NECTIN3: variants seen among roughly 807,000 people sequenced by gnomAD.
NECTIN3 encodes the protein nectin cell adhesion molecule 3.
In NECTIN3, 8 loss-of-function variants were observed where a neutral mutation model predicts 49.4. The observed-to-expected ratio is 0.16, with a 90% CI of 0.10 to 0.29. The LOEUF is 0.29. Among genes scored for constraint, NECTIN3 ranks in the 10% least tolerant of loss-of-function variants. NECTIN3 has a pLI of 1.00. For missense variants in NECTIN3, 581 were observed against 654.6 expected (o/e 0.89, Z 1.23); for synonymous variants, 277 against 241.1 (o/e 1.15, Z -1.38).
intron 7 of NECTIN3, among the ~76,000 whole-genome samples, chr3:111,151,399 A>G (rs2034997965): frequency 7.0e-6 from 1 of 143,824 alleles, no homozygotes; most frequent in South Asian, 2.1e-4. Flanking sequence ...AGTGTCTATA[A>G]TATCACTGTA....
In NECTIN3 at chr3:111,071,938, G is replaced by T. The variant is rs1276055025; in HGVS notation, c.-80G>T. ...GGACGCGCGCGCCGGACCTTCCACA[G>T]CCTCCGCCCAGAGCCTGAGGCGCCG... is the stretch of plus-strand genomic sequence containing the variant. On this transcript the variant is annotated 5_prime_UTR_variant, in exon 1 of 6. Transcript: ENST00000485303. 1.9e-6 allele frequency: 2 copies of T among 1,068,732 alleles called. No individual in the cohort carries two copies. Among genetic ancestry groups the T allele is most frequent in the East Asian group, 3.3e-5 (1 of 30,278 alleles). 66.2% of individuals were successfully genotyped at this position (1,068,732 alleles called of 1,614,324 possible).
At chr3:111,188,751 AG>A (rs769820885), upstream of NECTIN3, among the ~76,000 whole-genome samples, 2 of 152,248 alleles carry the variant, frequency 1.3e-5, no homozygotes, top group African/African-American at 2.4e-5. Flanking sequence ...GAGACTTGAA[AG>A]TTGTTACCAC....
At chr3:111,101,092 C>T (rs1363360928) in intron 1 of NECTIN3, among the ~76,000 whole-genome samples, 1 of 152,106 alleles carries the variant, frequency 6.6e-6, no homozygotes, top group African/African-American at 2.4e-5. Context: ...ATCACTACCT[C>T]TATAAAATGA....
In NECTIN3 at chr3:111,192,499, C is replaced by A. The variant is rs563693265; in HGVS notation, c.63+86C>A. Reference sequence around the variant, plus strand: ...AATATCATTTAATTGTATACAAGTTCATTTTATTCATCTTTCCCCTATTTG... The same window carrying A: ...AATATCATTTAATTGTATACAAGTTAATTTTATTCATCTTTCCCCTATTTG... On this transcript the variant is annotated intron_variant, in intron 1 of 1. Coordinates refer to the NECTIN3 transcript ENST00000485506. 5.3e-4 allele frequency: 664 copies of A among 1,254,020 alleles called. 1 individual carries two copies. Among genetic ancestry groups the A allele is most frequent in the Non-Finnish European group, 6.6e-4 (600 of 903,256 alleles). The allele number at this position is 1,254,020 out of a possible 1,614,324, so 77.7% of individuals were successfully genotyped here. A position where few individuals can be genotyped will look rare whatever the true frequency, so the allele number is the denominator to read the frequency against.
In NECTIN3 at chr3:111,136,567, G is replaced by C. The variant is rs2034583121; in HGVS notation, c.*2352G>C. Reference sequence around the variant, plus strand: ...GTATATTTACTGTACATAGAGACTTGTTTGAAAACATGAATAGTCATTAAA... The same window carrying C: ...GTATATTTACTGTACATAGAGACTTCTTTGAAAACATGAATAGTCATTAAA... On this transcript the variant is annotated 3_prime_UTR_variant, in exon 6 of 6. Coordinates refer to ENST00000485303, the MANE Select transcript of NECTIN3 (RefSeq NM_015480.3). 1.1e-6 allele frequency: 1 copy of C among 944,794 alleles called. No homozygotes were observed. Among genetic ancestry groups the C allele is most frequent in the Non-Finnish European group, 1.3e-6 (1 of 793,340 alleles). 58.5% of individuals were successfully genotyped at this position (944,794 alleles called of 1,614,324 possible).
intron 1 of NECTIN3, among the ~76,000 whole-genome samples, chr3:111,111,750 A>G (rs1248037898): frequency 2.0e-5 from 3 of 152,082 alleles, no homozygotes; most frequent in Non-Finnish European, 4.4e-5. Flanking sequence ...TGCTTTTTTC[A>G]CTGCAACACA....
intron 2 of NECTIN3, 141 bp from the exon 3 acceptor site, chr3:111,118,515 G>A (rs1207463641): frequency 1.1e-5 from 8 of 707,272 alleles, no homozygotes; most frequent in Admixed American, 3.5e-5. Flanking sequence ...TGTAATTGAC[G>A]ATGGCATTAC....
Position 111,176,788 on chromosome 3 carries a change from C to T in NECTIN3, c.1222-15563C>T, listed in dbSNP as rs548205407. On this transcript the variant is annotated intron_variant, in intron 7 of 8. Transcript: ENST00000493615. The stretch of plus-strand genomic sequence containing the variant: ...AACTTAGAAGGCTTCTAGAAAGTAA[C>T]CATTAGGTAAATGGATAGAGACCCT... 2.0e-5 allele frequency among the ~76,000 whole-genome samples: 3 copies of T among 151,864 alleles called. No homozygotes were observed. In the South Asian group the frequency reaches 6.2e-4, roughly 32 times the overall value.
At position 111,126,327 on chromosome 3, in the gene NECTIN3, A is replaced by G; in HGVS notation, c.1061A>G (p.Tyr354Cys). The change falls in exon 5 of 6, where the codon TAC (tyrosine) becomes TGC (cysteine). Residue 354 changes from tyrosine (Y) to cysteine (C), a missense_variant. Around this residue, in one of 3 missense-constraint regions of NECTIN3, gnomAD observed 238 missense variants for 244.9 expected, o/e 0.97. Coordinates refer to ENST00000485303, the MANE Select transcript of NECTIN3 (RefSeq NM_015480.3). ...CAAAGAAGTGACCAAAAAGTCATCT[A>G]CATTTCAGGTAAGTTACTATCTGCT... The part of the protein sequence containing the change: ...LGQRSDQKVI[Y>C]ISDPPTTTTL... 6.2e-7 allele frequency: 1 copy of G among 1,604,558 alleles called. No homozygotes were observed. The highest frequency in any genetic ancestry group is 8.5e-7 in the Non-Finnish European group (1 of 1,176,804).
At chr3:111,094,352 T>G (rs2032463354) in intron 1 of NECTIN3, among the ~76,000 whole-genome samples, 1 of 152,214 alleles carries the variant, frequency 6.6e-6, no homozygotes, top group Non-Finnish European at 1.5e-5. Flanking sequence ...GAAATATAAG[T>G]GGATAATGTT....
At chr3:111,126,530 T>G (rs1360539069) in intron 5 of NECTIN3, among the ~76,000 whole-genome samples, 195 bp downstream of exon 5, 2 of 152,180 alleles carry the variant, frequency 1.3e-5, no homozygotes, top group Admixed American at 6.5e-5. Flanking sequence ...CATCCTTTAT[T>G]GAAATGTCAA....
intron 7 of NECTIN3, among the ~76,000 whole-genome samples, chr3:111,186,833 A>T (rs1050811927): frequency 6.6e-6 from 1 of 152,204 alleles, no homozygotes; most frequent in Non-Finnish European, 1.5e-5. Context: ...AAGTTGAAAT[A>T]CGTATTACAG....
At position 111,128,050 on chromosome 3, in the gene NECTIN3, A is replaced by T. The variant is rs147184404; in HGVS notation, c.1069+1715A>T. Among the ~76,000 whole-genome samples, 680 of 152,286 alleles carry T rather than the reference A, an allele frequency of 4.5e-3. 6 individuals are homozygous for T. The highest frequency in any genetic ancestry group is 0.015 in the African/African-American group (630 of 41,552). ...TGTCTATGTAATCATTTAAATATCAAGGCTTGACTGGGCGTGGTGGCTCAC... is the reference window on the plus strand; with the variant it reads ...TGTCTATGTAATCATTTAAATATCATGGCTTGACTGGGCGTGGTGGCTCAC... On this transcript the variant is annotated intron_variant, in intron 5 of 5. Transcript: ENST00000485303.
chr3:111,111,682 A>G (rs1232010041), intron 1 of NECTIN3, among the ~76,000 whole-genome samples: 1 of 152,166 alleles, frequency 6.6e-6, no homozygotes, highest in African/African-American at 2.4e-5. Context: ...CTGGGAACTC[A>G]TGTGAAGGCT....
Position 111,071,825 on chromosome 3 carries a change from A to C in NECTIN3, c.-193A>C, listed in dbSNP as rs2030745821. On this transcript the variant is annotated 5_prime_UTR_variant, in exon 1 of 6. Coordinates refer to ENST00000485303, the MANE Select transcript of NECTIN3 (RefSeq NM_015480.3). ...GGGCGGCTCCCGCTTCAGCCTCGGC[A>C]GTGGCGTCGGCGACGGCGGTGTCGA... The C allele has an allele frequency of 5.5e-6, 2 of 366,796 alleles. No homozygotes were observed. The highest frequency in any genetic ancestry group is 9.6e-6 in the Non-Finnish European group (2 of 209,050). 22.7% of individuals were successfully genotyped at this position (366,796 alleles called of 1,614,324 possible). A position where few individuals can be genotyped will look rare whatever the true frequency, so the allele number is the denominator to read the frequency against.
At chr3:111,175,935 A>G (rs893530224) in intron 7 of NECTIN3, among the ~76,000 whole-genome samples, 4 of 152,216 alleles carry the variant, frequency 2.6e-5, no homozygotes, top group Non-Finnish European at 4.4e-5. Context: ...CTATTTTTCC[A>G]AAAGTCTACA....
chr3:111,142,714 T>TA (rs2034778295), intron 5 of NECTIN3, among the ~76,000 whole-genome samples: 1 of 151,628 alleles, frequency 6.6e-6, no homozygotes, highest in South Asian at 2.1e-4. Flanking sequence ...TATAGTTTGA[T>TA]AAAAAATTTA....
downstream of NECTIN3, among the ~76,000 whole-genome samples, chr3:111,139,217 C>T (rs1462913048): frequency 6.6e-6 from 1 of 151,556 alleles, no homozygotes; most frequent in East Asian, 1.9e-4. Context: ...AATAATAATT[C>T]CCTAACATTC....
chr3:111,142,710 T>C (rs2034778032), intron 5 of NECTIN3, among the ~76,000 whole-genome samples: 1 of 151,696 alleles, frequency 6.6e-6, no homozygotes, highest in Admixed American at 6.6e-5. Context: ...AATGTATAGT[T>C]TGATAAAAAA....
Sources: gnomAD v4.1 joint callset for allele counts (sites outside exome capture counted in the v4.1 genomes callset) on GRCh38, gnomAD v4.1.1 for gene constraint, gnomAD v4.1.1 regional missense constraint, MANE v1.5 for transcripts, NCBI Gene and HGNC (gene_info 2026-07-23, HGNC 2026-07-21) for gene names.